Variants in PDGFRB observed in about 807,000 individuals in gnomAD.
PDGFRB encodes the protein platelet-derived growth factor receptor beta.
In PDGFRB, 42 loss-of-function variants were observed where a neutral mutation model predicts 120.2. The observed-to-expected ratio is 0.35, with a 90% confidence interval of 0.27 to 0.45. The LOEUF is 0.45. Among genes scored for constraint, PDGFRB ranks in the 20% least tolerant of loss-of-function variants. The pLI is 1.00. For missense variants in PDGFRB, 1,149 were observed against 1,476.3 expected (o/e 0.78, Z 3.63); for synonymous variants, 586 against 606.8 (o/e 0.97, Z 0.50).
intron 6 of PDGFRB, 96 bp from the exon 7 acceptor site, chr5:150,133,038 G>A: frequency 1.2e-6 from 1 of 854,096 alleles, no homozygotes; most frequent in South Asian, 1.7e-5. Flanking sequence ...TCAGGCCTGG[G>A]GACCGTGCCA....
chr5:150,114,537 C>T lies in PDGFRB; in HGVS notation c.*1226G>A, dbSNP rs966705178. 6 of 233,230 alleles carry T rather than the reference C, an allele frequency of 2.6e-5. No individual in the cohort carries two copies. The highest frequency in any genetic ancestry group is 1.3e-4 in the African/African-American group (6 of 45,284). The allele number at this position is 233,230 out of a possible 1,614,324, so 14.4% of individuals were successfully genotyped here. On this transcript the variant is annotated 3_prime_UTR_variant, in exon 23 of 23. Transcript: ENST00000261799. ...TGGTCTTCCCATGTCCCTGGGGCAG[C>T]TGCTGGGGGCTTTCCAGGACACCGG...
chr5:150,138,201 G>T (rs73277753), intron 1 of PDGFRB, among the ~76,000 whole-genome samples: 8,923 of 152,278 alleles, frequency 0.059, 846 homozygotes, highest in African/African-American at 0.2. Flanking sequence ...GCTTTGGGAG[G>T]TGACGGCATG....
intron 3 of PDGFRB, 74 bp downstream of exon 3, chr5:150,135,481 C>G: frequency 1.1e-6 from 1 of 937,258 alleles, no homozygotes; most frequent in Non-Finnish European, 1.7e-6. Context: ...AACTAAAGCA[C>G]TCTCTGGACT....
At chr5:150,119,372 G>A (rs148268271) in intron 20 of PDGFRB, 95 bp downstream of exon 20, 1 of 768,922 alleles carries the variant, frequency 1.3e-6, no homozygotes, top group African/African-American at 1.7e-5. Flanking sequence ...AGATCTCTGA[G>A]CTAACAAATC....
intron 14 of PDGFRB, among the ~76,000 whole-genome samples, chr5:150,123,802 T>A (rs1253201336): frequency 1.3e-5 from 2 of 152,168 alleles, no homozygotes. Flanking sequence ...GTGATAACAT[T>A]TTTTTTCAGC....
chr5:150,127,083 G>A (rs1334342378), intron 10 of PDGFRB, among the ~76,000 whole-genome samples: 1 of 152,180 alleles, frequency 6.6e-6, no homozygotes, highest in Non-Finnish European at 1.5e-5. Context: ...CTGAGTGAGT[G>A]GCCACTGAGG....
At position 150,121,819 on chromosome 5, in the gene PDGFRB, G is replaced by A. The variant is rs575358419; in HGVS notation, c.2344+61C>T. ...TCTTCTCAGGGTTTTTGGCAAGGCTGGGCATGTGAAGAGCATCAGCCTGTT... is the reference window on the plus strand; with the variant it reads ...TCTTCTCAGGGTTTTTGGCAAGGCTAGGCATGTGAAGAGCATCAGCCTGTT... On this transcript the variant is annotated intron_variant, in intron 16 of 22. Transcript: ENST00000261799. The surrounding 1 kb of genome is among the most constrained non-coding windows in gnomAD (Gnocchi z 4.1). 222 of 1,301,246 alleles carry A rather than the reference G, an allele frequency of 1.7e-4. No homozygotes were observed. Among genetic ancestry groups the A allele is most frequent in the Non-Finnish European group, 2.2e-4 (203 of 905,562 alleles). 80.6% of individuals were successfully genotyped at this position (1,301,246 alleles called of 1,614,324 possible).
chr5:150,135,992 C>G (rs1760620208), intron 2 of PDGFRB, 114 bp from the exon 3 acceptor site: 1 of 649,882 alleles, frequency 1.5e-6, no homozygotes, highest in South Asian at 2.7e-5. Flanking sequence ...AGGAGCACAG[C>G]TCCTTTATCC....
chr5:150,123,984 A>G (rs915358919), intron 14 of PDGFRB, among the ~76,000 whole-genome samples: 2 of 152,258 alleles, frequency 1.3e-5, no homozygotes, highest in African/African-American at 2.4e-5. Flanking sequence ...GTATTGGGAA[A>G]ATAAAAAAGT....
chr5:150,136,793 T>C lies in PDGFRB; in HGVS notation c.40+215A>G, dbSNP rs181118900. ...ATCAAAGGATTTGAGCTGATGGTTC[T>C]GGACAAGCAGGGGCCCACTGACGCT... On this transcript the variant is annotated intron_variant, in intron 2 of 22. Transcript: ENST00000261799. Among the ~76,000 whole-genome samples the C allele has an allele frequency of 5.1e-4, 77 of 152,280 alleles. No individual in the cohort carries two copies. In the Middle Eastern group the frequency reaches 0.014, roughly 27 times the overall value.
intron 12 of PDGFRB, 62 bp from the exon 13 acceptor site, chr5:150,124,893 G>GGGCCCCC: frequency 1.1e-5 from 8 of 752,522 alleles, no homozygotes; most frequent in Non-Finnish European, 1.1e-5. Flanking sequence ...TCCCCCAGCT[G>GGGCCCCC]CCCCCCTCCC....
intron 1 of PDGFRB, among the ~76,000 whole-genome samples, chr5:150,151,952 TG>T (rs1283604217): frequency 1.1e-4 from 17 of 152,048 alleles, no homozygotes; most frequent in African/African-American, 4.1e-4. Flanking sequence ...TTATTTTTTT[TG>T]AGACAGTCTT....
chr5:150,122,002 A>G lies in PDGFRB; in HGVS notation c.2222T>C (p.Met741Thr), dbSNP rs1171332049. The G allele has an allele frequency of 2.5e-6, 4 of 1,613,704 alleles. No individual in the cohort carries two copies. The Admixed American group carries it at 5.0e-5, about 20-fold the overall frequency. ...SLTGESDGGY[M>T]DMSKDESVDY... The stretch of plus-strand genomic sequence containing the variant: ...CACCGACTCGTCCTTGCTCATGTCC[A>G]TGTAGCCACCGTCGCTCTCCCCGGT... The change falls in exon 16 of 23, where the codon ATG becomes ACG. Residue 741 changes from methionine to threonine, a missense_variant. Met to Thr is a moderately conservative substitution (Grantham distance 81, BLOSUM62 -1). This residue lies in a region of PDGFRB where 879 missense variants were observed against 1,108.6 expected (regional missense o/e 0.79). Coordinates refer to ENST00000261799, the MANE Select transcript of PDGFRB (RefSeq NM_002609.4).
At chr5:150,151,734 C>T (rs1357866538) in intron 1 of PDGFRB, among the ~76,000 whole-genome samples, 4 of 152,010 alleles carry the variant, frequency 2.6e-5, no homozygotes, top group South Asian at 2.1e-4. Flanking sequence ...GTGGCGCACA[C>T]GCCTGTAATC....
At position 150,115,482 on chromosome 5, in the gene PDGFRB, C is replaced by T. The variant is rs1211626876; in HGVS notation, c.*281G>A. 20 of 328,564 alleles carry T rather than the reference C, an allele frequency of 6.1e-5. No individual in the cohort carries two copies. The highest frequency in any genetic ancestry group is 5.5e-6 in the Non-Finnish European group (1 of 182,334). The allele number at this position is 328,564 out of a possible 1,614,324, so 20.4% of individuals were successfully genotyped here. On this transcript the variant is annotated 3_prime_UTR_variant, in exon 23 of 23. Coordinates refer to ENST00000261799, the MANE Select transcript of PDGFRB (RefSeq NM_002609.4). ...ATTCTGGGTCATCAAGCCTAACTTT[C>T]CCATTTTACATATGGGAAAACTGAG...
chr5:150,125,408 G>A lies in PDGFRB; in HGVS notation c.1807+37C>T, dbSNP rs1489663826. 1.9e-6 allele frequency: 3 copies of A among 1,583,718 alleles called. No homozygotes were observed. The East Asian group carries it at 6.8e-5, about 36-fold the overall frequency. On this transcript the variant is annotated intron_variant, in intron 12 of 22. Coordinates refer to ENST00000261799, the MANE Select transcript of PDGFRB (RefSeq NM_002609.4). ...CAGAGAGTCTTCCCACCCAACTTGA[G>A]TCCCCACACTGCCACATGAGGCCTC...
chr5:150,137,053 C>A lies in PDGFRB; in HGVS notation c.-6G>T, dbSNP rs2113914981. The stretch of plus-strand genomic sequence containing the variant: ...ATCGCACCCGGAAGCCGCATGGTGT[C>A]CTGCAGAGTTAAACAGGAGTCAGGG... On this transcript the variant is annotated splice_region_variant and 5_prime_UTR_variant, in exon 2 of 23. Transcript: ENST00000261799. The A allele has an allele frequency of 6.2e-7, 1 of 1,613,184 alleles. No individual in the cohort carries two copies. Among genetic ancestry groups the A allele is most frequent in the South Asian group, 1.1e-5 (1 of 90,880 alleles).
At position 150,129,899 on chromosome 5, in the gene PDGFRB, G is replaced by A. The variant is rs371550567; in HGVS notation, c.1437C>T (p.Asn479=). The change falls in exon 10 of 23, where the codon AAC becomes AAT. Residue 479 remains asparagine (N), a synonymous_variant. Transcript: ENST00000261799. The part of the protein sequence containing the change: ...SSEEESQLET[N]VTYWEEEQEF... ...CCTGCTCCTCCTCCCAGTACGTCAC[G>A]TTAGTCTCCAGCTGGCTCTCCTCTT... 7.7e-5 allele frequency: 124 copies of A among 1,614,134 alleles called. No homozygotes were observed. Among genetic ancestry groups the A allele is most frequent in the East Asian group, 6.2e-4 (28 of 44,884 alleles).
intron 13 of PDGFRB, 50 bp from the exon 14 acceptor site, chr5:150,124,410 G>A (rs1442436615): frequency 7.6e-7 from 1 of 1,321,624 alleles, no homozygotes; most frequent in Non-Finnish European, 1.1e-6. Flanking sequence ...AGGCTCCATG[G>A]AGGCCCCACC....
Sources: gnomAD v4.1 joint callset for allele counts (sites outside exome capture counted in the v4.1 genomes callset) on GRCh38, gnomAD v4.1.1 for gene constraint, gnomAD v4.1.1 regional missense constraint, Gnocchi (gnomAD v3.1) non-coding constraint, MANE v1.5 for transcripts, NCBI Gene and HGNC (gene_info 2026-07-23, HGNC 2026-07-21) for gene names.